The following SPOCK3 variants were observed in gnomAD, a reference collection of about 807,000 sequenced individuals.
The protein encoded by SPOCK3 is testican-3.
Under a neutral mutation model 56.6 loss-of-function variants are expected in SPOCK3, and 30 were observed. That is an observed-to-expected ratio of 0.53 (90% CI 0.40 to 0.72). The LOEUF is 0.72. SPOCK3 is among the 30% of genes least tolerant of loss of function. The probability of loss-of-function intolerance (pLI) is 0.00; values close to 1 mark genes in which losing one functional copy is unlikely to be tolerated. For missense variants in SPOCK3, 527 were observed against 530.0 expected, an observed-to-expected ratio of 0.99 and a Z score of 0.06; for synonymous variants, 196 against 183.3, an observed-to-expected ratio of 1.07 and a Z score of -0.56.
At chr4:166,976,663 C>T (rs567100529) in intron 4 of SPOCK3, among the ~76,000 whole-genome samples, 1 of 152,262 alleles carries the variant, frequency 6.6e-6, no homozygotes, top group Non-Finnish European at 1.5e-5. Context: ...TGTCCTCCTT[C>T]TTTATTTTTC....
chr4:166,808,089 A>G (rs921570541), intron 6 of SPOCK3, among the ~76,000 whole-genome samples: 1 of 152,206 alleles, frequency 6.6e-6, no homozygotes, highest in Non-Finnish European at 1.5e-5. Context: ...CAGAAAAAGC[A>G]CAGTCATAGC....
At chr4:167,062,602 A>G (rs984611606) in intron 2 of SPOCK3, 65 bp from the exon 3 acceptor site, 1 of 1,292,112 alleles carries the variant, frequency 7.7e-7, no homozygotes, top group Non-Finnish European at 1.1e-6. Flanking sequence ...TTCATATAAA[A>G]TCTAAAATTA....
chr4:167,125,654 G>C (rs1403158974), intron 2 of SPOCK3, among the ~76,000 whole-genome samples: 1 of 152,096 alleles, frequency 6.6e-6, no homozygotes, highest in Non-Finnish European at 1.5e-5. Flanking sequence ...GGCGGAGCTT[G>C]CAATGAGCCA....
chr4:167,195,399 C>T (rs1176123539), intron 2 of SPOCK3, among the ~76,000 whole-genome samples: 1 of 152,152 alleles, frequency 6.6e-6, no homozygotes, highest in Non-Finnish European at 1.5e-5. Flanking sequence ...TGGATGTGTT[C>T]CCAAGAAGGT....
At chr4:167,009,002 G>T (rs1749746530) in intron 3 of SPOCK3, among the ~76,000 whole-genome samples, 4 of 151,958 alleles carry the variant, frequency 2.6e-5, no homozygotes, top group Admixed American at 2.6e-4. Flanking sequence ...CAATTAAAAA[G>T]AATAATACAC....
intron 6 of SPOCK3, among the ~76,000 whole-genome samples, chr4:166,793,987 G>A (rs763482002): frequency 6.6e-6 from 1 of 151,910 alleles, no homozygotes; most frequent in Non-Finnish European, 1.5e-5. Context: ...GAGGTGAAGG[G>A]CATTTATAGG....
At chr4:166,997,993 T>G (rs1246188450) in intron 4 of SPOCK3, among the ~76,000 whole-genome samples, 2 of 152,136 alleles carry the variant, frequency 1.3e-5, no homozygotes, top group Non-Finnish European at 2.9e-5. Context: ...CACACAATCC[T>G]CAAATCTAAG....
intron 7 of SPOCK3, among the ~76,000 whole-genome samples, chr4:166,791,436 T>C (rs1182152754): frequency 6.6e-6 from 1 of 152,188 alleles, no homozygotes; most frequent in Non-Finnish European, 1.5e-5. Context: ...TGCTACTCCT[T>C]CCCCTTTTCT....
At chr4:166,919,135 T>A (rs1263970415) in intron 4 of SPOCK3, among the ~76,000 whole-genome samples, 1 of 152,166 alleles carries the variant, frequency 6.6e-6, no homozygotes, top group Non-Finnish European at 1.5e-5. Context: ...TATAGCAACA[T>A]AAACTAAGAC....
intron 4 of SPOCK3, among the ~76,000 whole-genome samples, chr4:166,993,608 G>A (rs71620409): frequency 0.026 from 4,003 of 152,032 alleles, 84 homozygotes; most frequent in Middle Eastern, 0.061. Flanking sequence ...TTTATTTAAC[G>A]TATAAGGTAA....
chr4:166,780,961 A>G (rs1283128628), intron 7 of SPOCK3, among the ~76,000 whole-genome samples: 2 of 152,178 alleles, frequency 1.3e-5, no homozygotes, highest in Non-Finnish European at 2.9e-5. Context: ...GCAACCCTAT[A>G]GTTACTTTAA....
chr4:167,220,306 G>A (rs905176201), intron 2 of SPOCK3, among the ~76,000 whole-genome samples: 5 of 151,732 alleles, frequency 3.3e-5, no homozygotes, highest in Admixed American at 1.3e-4. Flanking sequence ...TTAAAAATTA[G>A]GCACAGTAAC....
chr4:167,204,778 G>A (rs1212128361), intron 2 of SPOCK3, among the ~76,000 whole-genome samples: 1 of 151,628 alleles, frequency 6.6e-6, no homozygotes, highest in Admixed American at 6.6e-5. Context: ...CGGGGTGGGG[G>A]GCGACGGGTC....
At chr4:166,905,076 T>C (rs1173340056) in intron 5 of SPOCK3, among the ~76,000 whole-genome samples, 1 of 151,938 alleles carries the variant, frequency 6.6e-6, no homozygotes, top group Non-Finnish European at 1.5e-5. Context: ...GTAGACATTA[T>C]AAAAAAAGTC....
At chr4:166,878,610 CT>C (rs1274402619) in intron 6 of SPOCK3, among the ~76,000 whole-genome samples, 2 of 152,012 alleles carry the variant, frequency 1.3e-5, no homozygotes, top group Non-Finnish European at 2.9e-5. Context: ...AATGTCAATT[CT>C]TTATATATCT....
At chr4:167,069,901 T>C (rs751117083) in intron 2 of SPOCK3, among the ~76,000 whole-genome samples, 1 of 151,910 alleles carries the variant, frequency 6.6e-6, no homozygotes, top group Non-Finnish European at 1.5e-5. Context: ...TCTCTGAGTT[T>C]TTCCTTCTTA....
chr4:167,119,612 A>G (rs1054865486), intron 2 of SPOCK3, among the ~76,000 whole-genome samples: 1 of 152,164 alleles, frequency 6.6e-6, no homozygotes, highest in African/African-American at 2.4e-5. Flanking sequence ...ATTATTATGT[A>G]GCAAAAATAA....
At chr4:167,097,978 C>T (rs1371921234) in intron 2 of SPOCK3, among the ~76,000 whole-genome samples, 1 of 151,870 alleles carries the variant, frequency 6.6e-6, no homozygotes, top group East Asian at 1.9e-4. Context: ...TAACCTTAAT[C>T]TTTTAGTGTG....
At chr4:167,144,710 T>G (rs74777323) in intron 2 of SPOCK3, among the ~76,000 whole-genome samples, 1 of 137,320 alleles carries the variant, frequency 7.3e-6, no homozygotes, top group African/African-American at 2.8e-5. Context: ...GACAGAGCCA[T>G]GCAGATATCT....
Sources: gnomAD v4.1 joint callset for allele counts (sites outside exome capture counted in the v4.1 genomes callset) on GRCh38, gnomAD v4.1.1 for gene constraint, MANE v1.5 for transcripts, NCBI Gene and HGNC (gene_info 2026-07-23, HGNC 2026-07-21) for gene names.